Variants in PFKP observed in about 807,000 individuals in gnomAD.
PFKP encodes the protein ATP-dependent 6-phosphofructokinase, platelet type.
Under a neutral mutation model 94.3 loss-of-function variants are expected in PFKP, and 101 were observed. The observed-to-expected ratio is 1.07, with a 90% confidence interval of 0.91 to 1.26. The LOEUF (loss-of-function observed/expected upper bound fraction) is 1.26. PFKP is among the 50% of genes most tolerant of loss of function. The pLI is 0.00. For missense variants in PFKP, 1,145 were observed against 1,103.3 expected, an observed-to-expected ratio of 1.04 and a Z score of -0.53; for synonymous variants, 573 against 432.6, an observed-to-expected ratio of 1.32 and a Z score of -4.03.
At chr10:3,112,902 C>T (rs1055747811) in intron 11 of PFKP, among the ~76,000 whole-genome samples, 1 of 152,222 alleles carries the variant, frequency 6.6e-6, no homozygotes, top group African/African-American at 2.4e-5. Flanking sequence ...TAGAAGCGTG[C>T]CCTTTTCTCT....
At position 3,096,653 on chromosome 10, in the gene PFKP, G is replaced by GCCCC. The variant is rs57644735; in HGVS notation, c.187-2618_187-2615dup. The stretch of plus-strand genomic sequence containing the variant: ...TACATGCCTGCTTCCTTGTTTCCTT[G>GCCCC]CCCCCCCGAGCTTCATGGAAGTCAA... On this transcript the variant is annotated intron_variant, in intron 2 of 21. Transcript: ENST00000381125. 9.6e-4 allele frequency among the ~76,000 whole-genome samples: 144 copies of GCCCC among 150,616 alleles called. 1 individual carries two copies. The highest frequency in any genetic ancestry group is 3.2e-3 in the African/African-American group (132 of 40,816).
chr10:3,104,895 G>C, intron 5 of PFKP: 2 of 620,842 alleles, frequency 3.2e-6, no homozygotes, highest in Non-Finnish European at 2.9e-6. Context: ...GGTGGCTCAA[G>C]TCCCCTTCCT....
chr10:3,088,567 G>C (rs1232518202), intron 2 of PFKP, among the ~76,000 whole-genome samples: 1 of 152,164 alleles, frequency 6.6e-6, no homozygotes, highest in African/African-American at 2.4e-5. Flanking sequence ...TCTTTGCAGG[G>C]GTGGGTTTGA....
intron 2 of PFKP, among the ~76,000 whole-genome samples, chr10:3,084,551 G>A (rs55690130): frequency 0.22 from 32,699 of 151,972 alleles, 4,318 homozygotes; most frequent in East Asian, 0.35. Flanking sequence ...GCATTCCCAG[G>A]CTGTTGTTTT....
At chr10:3,087,365 G>C (rs538009666) in intron 2 of PFKP, among the ~76,000 whole-genome samples, 2 of 152,280 alleles carry the variant, frequency 1.3e-5, no homozygotes, top group Admixed American at 1.3e-4. Flanking sequence ...GGCCGCAGGT[G>C]CTGTCTGGAC....
intron 1 of PFKP, among the ~76,000 whole-genome samples, chr10:3,072,911 A>G (rs1832310605): frequency 6.6e-6 from 1 of 151,984 alleles, no homozygotes; most frequent in Non-Finnish European, 1.5e-5. Context: ...TATAGAACAG[A>G]GGGCCGTATG....
At chr10:3,097,865 C>A (rs893981458) in intron 2 of PFKP, among the ~76,000 whole-genome samples, 1 of 152,126 alleles carries the variant, frequency 6.6e-6, no homozygotes, top group African/African-American at 2.4e-5. Context: ...CAAAATTAGC[C>A]AGATGTGGTA....
At chr10:3,070,490 GA>G (rs1394096838) in intron 1 of PFKP, among the ~76,000 whole-genome samples, 2 of 152,166 alleles carry the variant, frequency 1.3e-5, no homozygotes, top group Non-Finnish European at 2.9e-5. Context: ...TGTCAGATGT[GA>G]AATTATGGTA....
rs1839425730 is a variant in PFKP, at chr10:3,136,744, C to G, written c.*165C>G. ...AGTGCGTGCTGTCTGTGGAGTGTGT[C>G]TCATGCTTTCAGATGTGCATATGAG... On this transcript the variant is annotated 3_prime_UTR_variant, in exon 22 of 22. Transcript: ENST00000381125. 6.5e-6 allele frequency: 4 copies of G among 617,822 alleles called. No homozygotes were observed. The South Asian group carries it at 7.8e-5, about 12-fold the overall frequency. 38.3% of individuals were successfully genotyped at this position (617,822 alleles called of 1,614,324 possible). A position where few individuals can be genotyped will look rare whatever the true frequency, so the allele number is the denominator to read the frequency against.
chr10:3,113,225 C>T (rs1242573859), intron 12 of PFKP, 37 bp downstream of exon 12: 2 of 1,597,876 alleles, frequency 1.3e-6, no homozygotes, highest in Non-Finnish European at 8.5e-7. Context: ...CCGACCTCTC[C>T]TGCGGGCCTC....
chr10:3,127,605 G>A (rs1838101122), intron 16 of PFKP, among the ~76,000 whole-genome samples: 1 of 152,186 alleles, frequency 6.6e-6, no homozygotes, highest in African/African-American at 2.4e-5. Context: ...CACATTTAGA[G>A]AGACCCGGTA....
intron 20 of PFKP, among the ~76,000 whole-genome samples, chr10:3,135,300 A>G (rs1839114285): frequency 6.6e-6 from 1 of 152,182 alleles, no homozygotes; most frequent in African/African-American, 2.4e-5. Context: ...TATAAAAACC[A>G]GTGATGTGAA....
intron 11 of PFKP, among the ~76,000 whole-genome samples, chr10:3,112,597 G>A (rs1049874431): frequency 6.6e-6 from 1 of 152,170 alleles, no homozygotes; most frequent in African/African-American, 2.4e-5. Context: ...TCCTTCTGTT[G>A]CCTAGGCTAA....
chr10:3,129,781 GC>G lies in PFKP; in HGVS notation c.1684-36del, dbSNP rs1235972852. On this transcript the variant is annotated intron_variant, in intron 16 of 21. Transcript: ENST00000381125. The stretch of plus-strand genomic sequence containing the variant: ...CTCTGGGATGGTGGGCGCGCCCCGG[GC>G]CTGGGCTGGAGTGACTGATCGCTTC... 3 of 1,608,484 alleles carry G rather than the reference GC, an allele frequency of 1.9e-6. No individual in the cohort carries two copies. The African/African-American group carries it at 4.0e-5, about 21-fold the overall frequency.
chr10:3,131,970 C>T (rs963574019), intron 17 of PFKP, among the ~76,000 whole-genome samples: 3 of 152,132 alleles, frequency 2.0e-5, no homozygotes, highest in African/African-American at 7.2e-5. Context: ...TGGTCAGACA[C>T]TGCTCATCAG....
chr10:3,105,613 G>A, intron 7 of PFKP, 112 bp downstream of exon 7: 1 of 734,206 alleles, frequency 1.4e-6, no homozygotes, highest in East Asian at 2.7e-5. Context: ...TCTGTCTCCA[G>A]TTTGTCACAC....
chr10:3,082,724 C>CT (rs1049412052), intron 2 of PFKP, among the ~76,000 whole-genome samples: 18 of 152,084 alleles, frequency 1.2e-4, no homozygotes, highest in African/African-American at 2.7e-4. Flanking sequence ...TTTCTTTTTT[C>CT]TTTTTTTTCT....
intron 20 of PFKP, among the ~76,000 whole-genome samples, chr10:3,135,138 G>C (rs1259364807): frequency 1.3e-5 from 2 of 152,088 alleles, no homozygotes; most frequent in Non-Finnish European, 2.9e-5. Flanking sequence ...CTCCAACATG[G>C]CTGTTCCCCA....
chr10:3,129,613 C>T (rs142281142), intron 16 of PFKP: 2 of 578,854 alleles, frequency 3.5e-6, no homozygotes, highest in African/African-American at 1.9e-5. Context: ...CAGGTGGCTG[C>T]CATGGTGGGG....
Sources: allele counts gnomAD v4.1 joint callset (sites outside exome capture counted in the v4.1 genomes callset), GRCh38; gene constraint gnomAD v4.1.1; transcripts MANE v1.5; gene names NCBI Gene and HGNC (gene_info 2026-07-23, HGNC 2026-07-21).